The following TIAM1 variants were observed in gnomAD, a reference collection of about 807,000 sequenced individuals.
TIAM1 encodes rho guanine nucleotide exchange factor TIAM1.
Under a neutral mutation model 163.5 loss-of-function variants are expected in TIAM1, and 65 were observed. The observed-to-expected ratio is 0.40, with a 90% CI of 0.33 to 0.49. The LOEUF (loss-of-function observed/expected upper bound fraction) is 0.49, where lower values mean the gene tolerates loss of function less well. TIAM1 is among the 20% of genes least tolerant of loss of function. The pLI, the probability that TIAM1 is intolerant of heterozygous loss-of-function variation, is 0.77. For synonymous variants in TIAM1, 833 were observed against 810.1 expected, an observed-to-expected ratio of 1.03 and a Z score of -0.48; for missense variants, 1,789 against 2,044.7, an observed-to-expected ratio of 0.87 and a Z score of 2.41.
At chr21:31,427,874 G>T (rs1169241960) in intron 2 of TIAM1, among the ~76,000 whole-genome samples, 1 of 152,058 alleles carries the variant, frequency 6.6e-6, no homozygotes, top group African/African-American at 2.4e-5. Context: ...ATTAAAAGCA[G>T]TCTTCTTGTA....
chr21:31,276,248 C>A (rs1335208225), intron 3 of TIAM1, among the ~76,000 whole-genome samples: 1 of 152,186 alleles, frequency 6.6e-6, no homozygotes, highest in Non-Finnish European at 1.5e-5. Context: ...CCAAGTCACA[C>A]ACAAATACCC....
intron 2 of TIAM1, among the ~76,000 whole-genome samples, chr21:31,446,185 C>A (rs1338404576): frequency 6.6e-6 from 1 of 150,916 alleles, no homozygotes; most frequent in Non-Finnish European, 1.5e-5. Flanking sequence ...AGGTGATCCA[C>A]CTGCCTCAGC....
chr21:31,475,815 C>T (rs1473859290), intron 1 of TIAM1, among the ~76,000 whole-genome samples: 1 of 152,178 alleles, frequency 6.6e-6, no homozygotes, highest in Non-Finnish European at 1.5e-5. Context: ...TGAGCAAATC[C>T]TAATTCTAAC....
chr21:31,120,802 G>A lies in TIAM1; in HGVS notation c.4342C>T (p.Arg1448Trp), dbSNP rs142900370. The A allele has an allele frequency of 6.2e-4, 1,008 of 1,613,114 alleles. 1 individual carries two copies. The highest frequency in any genetic ancestry group is 7.4e-4 in the Non-Finnish European group (868 of 1,179,740). Residue 1448 changes from arginine to tryptophan, a missense_variant, in exon 28 of 28, where the codon CGG becomes TGG. Arg to Trp is a moderately radical substitution (Grantham distance 101). Coordinates refer to ENST00000541036, the MANE Select transcript of TIAM1 (RefSeq NM_001353694.2). The surrounding 1 kb of genome is among the most constrained non-coding windows in gnomAD (Gnocchi z 4.2). ...APSKSLGRRR[R>W]RLARNRFTID... ...GTAAACCTGTTTCGAGCCAGCCGCC[G>A]CCTCCTCCTCCCAAGAGACTTGCTT...
chr21:31,529,337 T>G (rs1332657624), intron 1 of TIAM1, among the ~76,000 whole-genome samples: 1 of 152,004 alleles, frequency 6.6e-6, no homozygotes, highest in Non-Finnish European at 1.5e-5. Context: ...GGAGAGAAAA[T>G]TAATGCAGAT....
chr21:31,401,001 G>T (rs992300018), intron 2 of TIAM1, among the ~76,000 whole-genome samples: 1 of 152,052 alleles, frequency 6.6e-6, no homozygotes, highest in Non-Finnish European at 1.5e-5. Flanking sequence ...TGGGCAACAA[G>T]AGCAAAACTA....
intron 20 of TIAM1, among the ~76,000 whole-genome samples, chr21:31,143,922 C>T (rs1434416124): frequency 2.6e-5 from 4 of 151,618 alleles, no homozygotes; most frequent in South Asian, 2.1e-4. Flanking sequence ...TTAGTAGAGA[C>T]GGAGTTTCAC....
intron 6 of TIAM1, among the ~76,000 whole-genome samples, chr21:31,244,489 C>A (rs2071388127): frequency 6.6e-6 from 1 of 152,198 alleles, no homozygotes; most frequent in African/African-American, 2.4e-5. Context: ...CTTTGGTAGG[C>A]CGAGGTGGGT....
chr21:31,267,721 G>A lies in TIAM1; in HGVS notation c.-11-738C>T, dbSNP rs537720685. On this transcript the variant is annotated intron_variant, in intron 3 of 27. Coordinates refer to ENST00000541036, the MANE Select transcript of TIAM1 (RefSeq NM_001353694.2). Reference sequence around the variant, plus strand: ...TTGGGGAGGGCTATGGAGGGGTGGTGGGGATGGGCAAAACAAAATAGAAAA... The same window carrying A: ...TTGGGGAGGGCTATGGAGGGGTGGTAGGGATGGGCAAAACAAAATAGAAAA... Among the ~76,000 whole-genome samples the A allele has an allele frequency of 3.3e-5, 5 of 152,032 alleles. No individual in the cohort carries two copies. The South Asian group carries it at 1.0e-3, about 32-fold the overall frequency.
rs1480891000 is a variant in TIAM1, at chr21:31,529,460, C to CAAGGTA, written c.-422+29466_-422+29467insTACCTT. On this transcript the variant is annotated intron_variant, in intron 1 of 28. Transcript: ENST00000286827. ...ATTTCAGAAACGAGGAGTATGTTCC[C>CAAGGTA]TTCAGTAGCTCTTGAATACCTTGAG... Among the ~76,000 whole-genome samples the CAAGGTA allele has an allele frequency of 1.0e-3, 157 of 152,214 alleles. 3 individuals are homozygous for CAAGGTA. The highest frequency in any genetic ancestry group is 7.5e-3 in the South Asian group (36 of 4,824).
intron 2 of TIAM1, among the ~76,000 whole-genome samples, chr21:31,297,023 C>G (rs1013734381): frequency 4.6e-5 from 7 of 152,158 alleles, no homozygotes; most frequent in Non-Finnish European, 1.0e-4. Flanking sequence ...TTCTCCTAAA[C>G]TCATGCTACT....
chr21:31,283,571 G>GTGT (rs1462855743), intron 2 of TIAM1, among the ~76,000 whole-genome samples: 2 of 148,876 alleles, frequency 1.3e-5, no homozygotes, highest in African/African-American at 5.0e-5. Flanking sequence ...TTGAGATGAA[G>GTGT]TGTTGCTCTG....
At chr21:31,136,795 T>C (rs969433896) in intron 22 of TIAM1, among the ~76,000 whole-genome samples, 1 of 152,256 alleles carries the variant, frequency 6.6e-6, no homozygotes, top group Non-Finnish European at 1.5e-5. Flanking sequence ...CCCAGATAAC[T>C]GCAGACATTT....
intron 3 of TIAM1, among the ~76,000 whole-genome samples, chr21:31,274,838 G>A (rs112849890): frequency 0.013 from 1,998 of 152,204 alleles, 26 homozygotes; most frequent in Non-Finnish European, 0.019. Flanking sequence ...GCTGGGGGCG[G>A]TGGCTCACAC....
intron 6 of TIAM1, among the ~76,000 whole-genome samples, chr21:31,227,800 C>G (rs2088076346): frequency 1.3e-5 from 2 of 152,168 alleles, no homozygotes; most frequent in African/African-American, 4.8e-5. Context: ...TCTCCTGCAT[C>G]TAATGAGAGC....
At chr21:31,135,838 A>G (rs956479286) in intron 23 of TIAM1, 95 bp downstream of exon 23, 1 of 1,183,320 alleles carries the variant, frequency 8.5e-7, no homozygotes, top group Non-Finnish European at 1.2e-6. Context: ...AATTAACTTT[A>G]TTTTTAATCA....
At chr21:31,528,137 GA>G (rs943695422) in intron 1 of TIAM1, among the ~76,000 whole-genome samples, 16 of 152,296 alleles carry the variant, frequency 1.1e-4, no homozygotes, top group African/African-American at 3.6e-4. Context: ...AGGGAGCAGG[GA>G]GGGGGGATGC....
intron 6 of TIAM1, 88 bp from the exon 7 acceptor site, chr21:31,226,038 C>A (rs932355383): frequency 3.9e-5 from 47 of 1,206,870 alleles, no homozygotes; most frequent in Non-Finnish European, 4.8e-5. Context: ...GAAGCAATGC[C>A]TGGGAGTCGA....
At chr21:31,288,897 A>T (rs2833364) in intron 2 of TIAM1, among the ~76,000 whole-genome samples, 4,449 of 152,312 alleles carry the variant, frequency 0.029, 180 homozygotes, top group African/African-American at 0.092. Flanking sequence ...TCATAAAGTT[A>T]AAAAGTAAAT....
Sources: gnomAD v4.1 joint callset for allele counts (sites outside exome capture counted in the v4.1 genomes callset) on GRCh38, gnomAD v4.1.1 for gene constraint, Gnocchi (gnomAD v3.1) non-coding constraint, MANE v1.5 for transcripts, NCBI Gene and HGNC (gene_info 2026-07-23, HGNC 2026-07-21) for gene names.